Variants in NEGR1 observed in about 807,000 individuals in gnomAD.
NEGR1 encodes IgLON family member 4.
A neutral mutation model predicts 40.9 loss-of-function variants in NEGR1; 10 were observed. The observed-to-expected ratio is 0.24, with a 90% CI of 0.15 to 0.42. The LOEUF (loss-of-function observed/expected upper bound fraction) is 0.42, where lower values mean the gene tolerates loss of function less well. Among genes scored for constraint, NEGR1 ranks in the 10% least tolerant of loss-of-function variants. The pLI is 1.00. For synonymous variants in NEGR1, 185 were observed against 166.8 expected (o/e 1.11, Z -0.84); for missense variants, 352 against 438.9 (o/e 0.80, Z 1.77).
At chr1:71,927,337 T>A (rs1369787515) in intron 2 of NEGR1, among the ~76,000 whole-genome samples, 1 of 152,006 alleles carries the variant, frequency 6.6e-6, no homozygotes, top group Non-Finnish European at 1.5e-5. Context: ...TGAACCTGAG[T>A]TTTTCTGTCA....
intron 6 of NEGR1, among the ~76,000 whole-genome samples, chr1:71,584,847 C>G (rs1323709194): frequency 6.6e-6 from 1 of 152,078 alleles, no homozygotes; most frequent in Non-Finnish European, 1.5e-5. Context: ...TTTACAAAGT[C>G]CTAATAGTCA....
At chr1:71,694,495 A>G (rs1043565246) in intron 4 of NEGR1, among the ~76,000 whole-genome samples, 41 of 151,854 alleles carry the variant, frequency 2.7e-4, no homozygotes, top group African/African-American at 9.4e-4. Context: ...GAATAACTCA[A>G]AATGAACTGA....
intron 1 of NEGR1, among the ~76,000 whole-genome samples, chr1:72,005,936 C>G (rs1461204955): frequency 1.3e-5 from 2 of 152,082 alleles, no homozygotes; most frequent in East Asian, 3.8e-4. Context: ...CCAACCTTTT[C>G]TAATACAATT....
intron 1 of NEGR1, among the ~76,000 whole-genome samples, chr1:72,154,385 G>A (rs1225181244): frequency 1.3e-5 from 2 of 151,888 alleles, no homozygotes; most frequent in Non-Finnish European, 2.9e-5. Flanking sequence ...TTGAGCCAGT[G>A]TTCTCAGAAC....
chr1:71,947,081 C>A (rs1029172066), intron 1 of NEGR1, among the ~76,000 whole-genome samples: 20 of 137,444 alleles, frequency 1.5e-4, no homozygotes, highest in African/African-American at 5.2e-4. Flanking sequence ...GAGCCAGATC[C>A]TGTCTCATAC....
At chr1:72,082,754 T>C (rs551318628) in intron 1 of NEGR1, among the ~76,000 whole-genome samples, 44 of 152,068 alleles carry the variant, frequency 2.9e-4, no homozygotes, top group African/African-American at 1.0e-3. Context: ...AGGGAGACTT[T>C]ACTCTTATTT....
chr1:72,201,153 C>T (rs1171630276), intron 1 of NEGR1, among the ~76,000 whole-genome samples: 1 of 151,652 alleles, frequency 6.6e-6, no homozygotes, highest in African/African-American at 2.4e-5. Flanking sequence ...AATTGTATTA[C>T]ATACATTTTA....
rs1003462592 is a variant in NEGR1 at position 71,399,410 on chromosome 1, A to T, written c.*8036T>A. The T allele has an allele frequency of 2.0e-5, 3 of 152,216 alleles. No individual in the cohort carries two copies. The highest frequency in any genetic ancestry group is 2.9e-5 in the Non-Finnish European group (2 of 68,026). The allele number at this position is 152,216 out of a possible 1,614,324, so 9.4% of individuals were successfully genotyped here. ...AAATTAATTTATTCCAAATTTTTTTAAAAATCTGCTTTTCTCCATGTCAGT... is the reference window on the plus strand; with the variant it reads ...AAATTAATTTATTCCAAATTTTTTTTAAAATCTGCTTTTCTCCATGTCAGT... On this transcript the variant is annotated 3_prime_UTR_variant, in exon 7 of 7. Transcript: ENST00000357731.
chr1:71,553,545 T>A (rs927318093), intron 6 of NEGR1, among the ~76,000 whole-genome samples: 1 of 151,496 alleles, frequency 6.6e-6, no homozygotes, highest in African/African-American at 2.4e-5. Context: ...GACTCAAAGA[T>A]GAAATTTTAG....
At chr1:71,409,472 G>T (rs1454166914) in intron 6 of NEGR1, among the ~76,000 whole-genome samples, 2 of 151,992 alleles carry the variant, frequency 1.3e-5, no homozygotes, top group Non-Finnish European at 2.9e-5. Context: ...TAAATGGGTA[G>T]ATTATCAAGT....
intron 5 of NEGR1, among the ~76,000 whole-genome samples, chr1:71,597,472 C>CTCTGTGTGTGTGTGTGTGTGTGTG (rs756076229): frequency 3.8e-4 from 12 of 31,334 alleles, no homozygotes; most frequent in African/African-American, 1.2e-3. Context: ...CTCTCTCTCT[C>CTCTGTGTGTGTGTGTGTGTGTGTG]TGTGTGTGTG....
chr1:71,473,172 A>C (rs1646793561), intron 6 of NEGR1, among the ~76,000 whole-genome samples: 1 of 152,108 alleles, frequency 6.6e-6, no homozygotes, highest in Admixed American at 6.6e-5. Flanking sequence ...TAAACATATA[A>C]GTACTAAGAT....
chr1:71,572,091 T>A (rs899477234), intron 6 of NEGR1, among the ~76,000 whole-genome samples: 1 of 152,148 alleles, frequency 6.6e-6, no homozygotes, highest in East Asian at 1.9e-4. Context: ...AGAATACTGA[T>A]GATTTCTGGG....
At chr1:72,104,330 A>G (rs1461158997) in intron 1 of NEGR1, among the ~76,000 whole-genome samples, 1 of 152,146 alleles carries the variant, frequency 6.6e-6, no homozygotes, top group African/African-American at 2.4e-5. Context: ...TTTATAAGAT[A>G]AAAGTAGTAA....
intron 6 of NEGR1, among the ~76,000 whole-genome samples, chr1:71,558,132 G>C (rs1415748317): frequency 1.3e-5 from 2 of 151,468 alleles, no homozygotes; most frequent in African/African-American, 2.4e-5. Flanking sequence ...ATTTGGTTAA[G>C]CTGTTTTTTG....
At chr1:71,935,028 A>T (rs1382315631) in intron 2 of NEGR1, 51 bp downstream of exon 2, 2 of 1,072,532 alleles carry the variant, frequency 1.9e-6, no homozygotes, top group Non-Finnish European at 2.8e-6. Flanking sequence ...CTAAATATTA[A>T]ATATTTCTAA....
chr1:71,415,883 C>G (rs1250471536), intron 6 of NEGR1, among the ~76,000 whole-genome samples: 1 of 152,042 alleles, frequency 6.6e-6, no homozygotes, highest in African/African-American at 2.4e-5. Flanking sequence ...TCTATGTAAG[C>G]GTCTTGACAT....
intron 3 of NEGR1, among the ~76,000 whole-genome samples, chr1:71,705,099 G>GA (rs1475462466): frequency 6.6e-6 from 1 of 151,944 alleles, no homozygotes; most frequent in Non-Finnish European, 1.5e-5. Context: ...AGATTGAGGA[G>GA]AATTATCTCA....
intron 2 of NEGR1, among the ~76,000 whole-genome samples, chr1:71,817,711 A>C (rs59163542): frequency 0.03 from 4,638 of 152,078 alleles, 223 homozygotes; most frequent in African/African-American, 0.11. Flanking sequence ...AACCTGGTAG[A>C]GTGTGAGGAT....
Sources: gnomAD v4.1 joint callset for allele counts (sites outside exome capture counted in the v4.1 genomes callset) on GRCh38, gnomAD v4.1.1 for gene constraint, MANE v1.5 for transcripts, NCBI Gene and HGNC (gene_info 2026-07-23, HGNC 2026-07-21) for gene names.